Variants in RAD23B observed in about 807,000 individuals in gnomAD.
The protein encoded by RAD23B is lysine-specific demethylase RAD23B.
A neutral mutation model predicts 49.1 loss-of-function variants in RAD23B; 5 were observed. That is an observed-to-expected ratio of 0.10 (90% confidence interval 0.05 to 0.21). The LOEUF (loss-of-function observed/expected upper bound fraction) is 0.21, where lower values mean the gene tolerates loss of function less well. Among genes scored for constraint, RAD23B ranks in the 10% least tolerant of loss-of-function variants. The probability of loss-of-function intolerance (pLI) is 1.00; values close to 1 mark genes in which losing one functional copy is unlikely to be tolerated. For synonymous variants in RAD23B, 184 were observed against 165.4 expected, an observed-to-expected ratio of 1.11 and a Z score of -0.86; for missense variants, 356 against 486.7, an observed-to-expected ratio of 0.73 and a Z score of 2.53.
chr9:107,324,394 G>T (rs2133097541), intron 8 of RAD23B, among the ~76,000 whole-genome samples: 1 of 151,890 alleles, frequency 6.6e-6, no homozygotes. Context: ...TTAAGCAACA[G>T]GAACAACTTA....
At chr9:107,305,560 C>T (rs143089729) in intron 3 of RAD23B, among the ~76,000 whole-genome samples, 26 of 152,124 alleles carry the variant, frequency 1.7e-4, no homozygotes, top group African/African-American at 6.3e-4. Context: ...CAAGGGTCAA[C>T]TAATTGTTTT....
At chr9:107,297,337 GTTTGTTTTGT>G (rs1462033613) in intron 1 of RAD23B, among the ~76,000 whole-genome samples, 2 of 151,676 alleles carry the variant, frequency 1.3e-5, no homozygotes, top group Non-Finnish European at 2.9e-5. Flanking sequence ...AATATTCTGT[GTTTGTTTTGT>G]TTTGTTTTTG....
intron 1 of RAD23B, among the ~76,000 whole-genome samples, chr9:107,286,713 G>A (rs1833278553): frequency 6.6e-6 from 1 of 152,072 alleles, no homozygotes; most frequent in Non-Finnish European, 1.5e-5. Flanking sequence ...AGACTTTTAA[G>A]TAGCCTACAT....
Position 107,321,855 on chromosome 9 carries a change from T to G in RAD23B, c.682-128T>G, listed in dbSNP as rs916955804. The G allele has an allele frequency of 1.9e-5, 20 of 1,043,578 alleles. No individual in the cohort carries two copies. In the Admixed American group the frequency reaches 3.0e-4, roughly 15 times the overall value. 64.6% of individuals were successfully genotyped at this position (1,043,578 alleles called of 1,614,324 possible). ...AGCTTAATAATCCTTTACTTTTAATTGAAGCAGACATCTGTTTGATGCTTT... is the reference window on the plus strand; with the variant it reads ...AGCTTAATAATCCTTTACTTTTAATGGAAGCAGACATCTGTTTGATGCTTT... On this transcript the variant is annotated intron_variant, in intron 6 of 9. Coordinates refer to ENST00000358015, the MANE Select transcript of RAD23B (RefSeq NM_002874.5).
intron 1 of RAD23B, among the ~76,000 whole-genome samples, chr9:107,286,154 C>T (rs529078417): frequency 6.6e-6 from 1 of 152,244 alleles, no homozygotes; most frequent in Non-Finnish European, 1.5e-5. Context: ...AAGTAACTTA[C>T]GTAGCCAGTA....
chr9:107,305,640 A>G (rs1408706471), intron 3 of RAD23B, among the ~76,000 whole-genome samples: 1 of 152,082 alleles, frequency 6.6e-6, no homozygotes, highest in Non-Finnish European at 1.5e-5. Context: ...AGGTAACTTA[A>G]TTTGGCCTTT....
At chr9:107,310,810 G>T (rs1826874856) in intron 4 of RAD23B, among the ~76,000 whole-genome samples, 1 of 152,172 alleles carries the variant, frequency 6.6e-6, no homozygotes, top group Admixed American at 6.5e-5. Context: ...TACGGTCGTT[G>T]ACATTGTACT....
Position 107,318,934 on chromosome 9 carries a change from A to G in RAD23B, c.681+55A>G, listed in dbSNP as rs1827051508. 1.2e-5 allele frequency: 18 copies of G among 1,529,844 alleles called. No individual in the cohort carries two copies. The South Asian group carries it at 1.7e-4, about 14-fold the overall frequency. The allele number at this position is 1,529,844 out of a possible 1,614,324, so 94.8% of individuals were successfully genotyped here. A position where few individuals can be genotyped will look rare whatever the true frequency, so the allele number is the denominator to read the frequency against. On this transcript the variant is annotated intron_variant, in intron 6 of 9. Transcript: ENST00000358015. The surrounding 1 kb of genome is among the most constrained non-coding windows in gnomAD (Gnocchi z 4.3). The stretch of plus-strand genomic sequence containing the variant: ...CTGTTGTTTAAGATTAAAATCTCAA[A>G]GAAACAGATTTTAAAGGACCAGTTC...
In RAD23B at chr9:107,283,601, G is replaced by A; in HGVS notation, c.-29G>A. The A allele has an allele frequency of 6.8e-7, 1 of 1,465,244 alleles. No individual in the cohort carries two copies. The highest frequency in any genetic ancestry group is 9.0e-7 in the Non-Finnish European group (1 of 1,106,220). 90.8% of individuals were successfully genotyped at this position (1,465,244 alleles called of 1,614,324 possible). On this transcript the variant is annotated 5_prime_UTR_variant, in exon 1 of 10. Transcript: ENST00000358015. The stretch of plus-strand genomic sequence containing the variant: ...GCCCAGCGGCCAGCACCCGGCGCAG[G>A]CCCGGCAGCCGAGCTGCGCGGCGGC...
At chr9:107,303,678 T>C (rs10759224) in intron 3 of RAD23B, among the ~76,000 whole-genome samples, 147,777 of 152,260 alleles carry the variant, frequency 0.97, 71,741 homozygotes, top group African/African-American at 0.99. Context: ...ATAATGTCAT[T>C]GAGGTTCATC....
At chr9:107,327,738 C>T (rs1451866461) in intron 9 of RAD23B, among the ~76,000 whole-genome samples, 1 of 152,068 alleles carries the variant, frequency 6.6e-6, no homozygotes, top group Non-Finnish European at 1.5e-5. Flanking sequence ...ATTAAGTGGT[C>T]TATAAATATC....
chr9:107,287,031 C>G (rs1035117360), intron 1 of RAD23B, among the ~76,000 whole-genome samples: 1 of 150,346 alleles, frequency 6.7e-6, no homozygotes, highest in African/African-American at 2.5e-5. Flanking sequence ...GCTGAGATCA[C>G]TCCATTGCAC....
chr9:107,317,332 A>T (rs1197259290), intron 5 of RAD23B, among the ~76,000 whole-genome samples: 2 of 152,252 alleles, frequency 1.3e-5, no homozygotes, highest in East Asian at 3.9e-4. Context: ...AAAGGAACTG[A>T]AATCACCAGG....
chr9:107,329,355 G>A (rs1161032232), intron 9 of RAD23B, among the ~76,000 whole-genome samples, 188 bp from the exon 10 acceptor site: 1 of 152,146 alleles, frequency 6.6e-6, no homozygotes, highest in Non-Finnish European at 1.5e-5. Flanking sequence ...TAATCCCTTG[G>A]GTTGGGCAGT....
At chr9:107,301,807 T>G (rs1485332466) in intron 2 of RAD23B, among the ~76,000 whole-genome samples, 1 of 152,158 alleles carries the variant, frequency 6.6e-6, no homozygotes, top group Non-Finnish European at 1.5e-5. Flanking sequence ...TACCAAAGTG[T>G]TGGGATTACA....
At chr9:107,296,339 T>C (rs542069833) in intron 1 of RAD23B, among the ~76,000 whole-genome samples, 2 of 152,366 alleles carry the variant, frequency 1.3e-5, no homozygotes, top group South Asian at 2.1e-4. Flanking sequence ...TTAATTCTTA[T>C]TCTGAGAATG....
At chr9:107,303,666 G>A (rs1826704051) in intron 3 of RAD23B, among the ~76,000 whole-genome samples, 1 of 152,132 alleles carries the variant, frequency 6.6e-6, no homozygotes, top group African/African-American at 2.4e-5. Flanking sequence ...ATTTCACTTA[G>A]CATAATGTCA....
At chr9:107,316,928 C>T (rs1827009309) in intron 5 of RAD23B, among the ~76,000 whole-genome samples, 1 of 151,914 alleles carries the variant, frequency 6.6e-6, no homozygotes. Flanking sequence ...GGAACTGAAG[C>T]ATGTTGAAGG....
chr9:107,283,330 C>G lies in RAD23B; in HGVS notation c.-300C>G. 2.4e-6 allele frequency: 1 copy of G among 417,882 alleles called. No homozygotes were observed. Among genetic ancestry groups the G allele is most frequent in the African/African-American group, 2.0e-5 (1 of 48,828 alleles). 25.9% of individuals were successfully genotyped at this position (417,882 alleles called of 1,614,324 possible). On this transcript the variant is annotated 5_prime_UTR_variant, in exon 1 of 10. Coordinates refer to ENST00000358015, the MANE Select transcript of RAD23B (RefSeq NM_002874.5). ...CTGTGGTGAGCTAGCGGATTCCCTGCTTGTCTCGCCGACCCCCTCGCGCCT... is the reference window on the plus strand; with the variant it reads ...CTGTGGTGAGCTAGCGGATTCCCTGGTTGTCTCGCCGACCCCCTCGCGCCT...
Sources: gnomAD v4.1 joint callset for allele counts (sites outside exome capture counted in the v4.1 genomes callset) on GRCh38, gnomAD v4.1.1 for gene constraint, Gnocchi (gnomAD v3.1) non-coding constraint, MANE v1.5 for transcripts, NCBI Gene and HGNC (gene_info 2026-07-23, HGNC 2026-07-21) for gene names.